AAMDC: variants seen among roughly 807,000 people sequenced by gnomAD.
AAMDC encodes mth938 domain-containing protein.
Under a neutral mutation model 15.5 loss-of-function variants are expected in AAMDC, and 16 were observed. The ratio of observed to expected loss-of-function variants is 1.03; its 90% confidence interval spans 0.70 to 1.57. AAMDC has a LOEUF of 1.57. Among genes scored for constraint, AAMDC ranks in the 40% most tolerant of loss-of-function variants. AAMDC has a pLI of 0.00. For synonymous variants in AAMDC, 51 were observed against 51.6 expected (o/e 0.99, Z 0.05); for missense variants, 141 against 144.9 (o/e 0.97, Z 0.14).
chr11:77,830,155 A>T, intron 1 of AAMDC: 1 of 152,282 alleles, frequency 6.6e-6, no homozygotes, highest in Non-Finnish European at 1.5e-5. Context: ...AAGAAAGTCA[A>T]AAGACAACCT....
chr11:77,821,848 T>A (rs1948919639), intron 1 of AAMDC, among the ~76,000 whole-genome samples: 1 of 152,130 alleles, frequency 6.6e-6, no homozygotes, highest in Admixed American at 6.5e-5. Flanking sequence ...GAGCTTTGGA[T>A]TCAGCCAGGC....
chr11:77,840,129 G>T (rs1457137086), intron 1 of AAMDC, among the ~76,000 whole-genome samples: 1 of 151,588 alleles, frequency 6.6e-6, no homozygotes, highest in African/African-American at 2.4e-5. Context: ...CAACACCCAG[G>T]GATTTGAATG....
intron 5 of AAMDC, among the ~76,000 whole-genome samples, chr11:77,888,684 G>T (rs1952125827): frequency 1.3e-5 from 2 of 151,968 alleles, no homozygotes; most frequent in African/African-American, 4.8e-5. Flanking sequence ...ATCTGACAAA[G>T]GGCTAATATC....
chr11:77,825,558 T>C (rs1185704759), intron 1 of AAMDC, among the ~76,000 whole-genome samples: 1 of 152,110 alleles, frequency 6.6e-6, no homozygotes, highest in African/African-American at 2.4e-5. Context: ...TGTATGAAAA[T>C]AAAAGGAAGC....
intron 2 of AAMDC, among the ~76,000 whole-genome samples, chr11:77,863,025 G>C (rs116905078): frequency 0.014 from 2,200 of 152,218 alleles, 17 homozygotes; most frequent in Middle Eastern, 0.024. Context: ...CTAATGTGGT[G>C]GTGGGCCGCT....
intron 5 of AAMDC, among the ~76,000 whole-genome samples, chr11:77,899,633 G>C (rs1952690533): frequency 6.6e-6 from 1 of 151,432 alleles, no homozygotes. Context: ...TCGGACCACT[G>C]CACTCCAGCC....
intron 1 of AAMDC, among the ~76,000 whole-genome samples, chr11:77,834,563 T>C (rs1190839670): frequency 2.7e-5 from 4 of 146,736 alleles, no homozygotes; most frequent in Non-Finnish European, 6.0e-5. Context: ...TACAAGTACA[T>C]ACCACCTCGT....
chr11:77,873,512 T>A (rs1016583152), downstream of AAMDC, among the ~76,000 whole-genome samples: 3 of 152,226 alleles, frequency 2.0e-5, no homozygotes, highest in Admixed American at 6.5e-5. Context: ...CTCTTTCATA[T>A]CCATTTACGG....
At chr11:77,878,844 C>A in intron 5 of AAMDC, 1 of 829,672 alleles carries the variant, frequency 1.2e-6, no homozygotes, top group Non-Finnish European at 2.1e-6. Context: ...GGGTCACATA[C>A]TCCTTAAGCC....
chr11:77,855,720 C>CTTTTTTT (rs374235923), intron 2 of AAMDC, among the ~76,000 whole-genome samples: 1 of 127,978 alleles, frequency 7.8e-6, no homozygotes. Flanking sequence ...AGTTTTATGT[C>CTTTTTTT]TTTTTTTTTT....
chr11:77,885,591 G>A (rs1327293622), intron 5 of AAMDC, among the ~76,000 whole-genome samples: 1 of 152,018 alleles, frequency 6.6e-6, no homozygotes, highest in Admixed American at 6.6e-5. Flanking sequence ...GGCTGAGCCA[G>A]GTGGATTACT....
intron 2 of AAMDC, among the ~76,000 whole-genome samples, chr11:77,864,881 G>A (rs1438165054): frequency 6.6e-6 from 1 of 152,168 alleles, no homozygotes; most frequent in African/African-American, 2.4e-5. Context: ...GGAGGCTGAG[G>A]TGGGAGGATC....
chr11:77,824,975 T>G lies in AAMDC; in HGVS notation c.-19+3734T>G, dbSNP rs544207306. ...ATCTTTGCATTTGTTACATAGTTTTTTTGTTGTTGTTGTTTTTCTTTTTGA... is the reference window on the plus strand; with the variant it reads ...ATCTTTGCATTTGTTACATAGTTTTGTTGTTGTTGTTGTTTTTCTTTTTGA... On this transcript the variant is annotated intron_variant, in intron 1 of 3. Transcript: ENST00000393427. 4.6e-5 allele frequency among the ~76,000 whole-genome samples: 7 copies of G among 152,242 alleles called. No individual in the cohort carries two copies. The South Asian group carries it at 1.5e-3, about 32-fold the overall frequency.
At chr11:77,891,821 G>A in intron 5 of AAMDC, 6 of 1,611,446 alleles carry the variant, frequency 3.7e-6, no homozygotes, top group Non-Finnish European at 5.1e-6. Context: ...TGCAAGTGGG[G>A]CAAATCAGCG....
intron 1 of AAMDC, among the ~76,000 whole-genome samples, chr11:77,831,355 A>G (rs573412941): frequency 7.2e-5 from 11 of 152,328 alleles, no homozygotes; most frequent in African/African-American, 2.6e-4. Context: ...TATACCCAAG[A>G]AAAATGAGCA....
At chr11:77,898,132 T>G (rs1952611579) in intron 5 of AAMDC, among the ~76,000 whole-genome samples, 1 of 152,122 alleles carries the variant, frequency 6.6e-6, no homozygotes, top group Non-Finnish European at 1.5e-5. Flanking sequence ...GTTATTATTA[T>G]TTTTTGCTCA....
intron 1 of AAMDC, among the ~76,000 whole-genome samples, chr11:77,826,190 C>G (rs1326456446): frequency 6.6e-6 from 1 of 151,880 alleles, no homozygotes; most frequent in Non-Finnish European, 1.5e-5. Flanking sequence ...GGTGAAACTT[C>G]GTCTCTACTA....
Position 77,879,325 on chromosome 11 carries a change from T to G in AAMDC, c.328+2276T>G, listed in dbSNP as rs181437511. ...CTGTTCCATCACCTTCCCCTTGGGCTCACTGTGGCACAGAGCCAAAGCTGC... is the reference window on the plus strand; with the variant it reads ...CTGTTCCATCACCTTCCCCTTGGGCGCACTGTGGCACAGAGCCAAAGCTGC... On this transcript the variant is annotated intron_variant, in intron 5 of 5. Coordinates refer to the AAMDC transcript ENST00000304716. Among the ~76,000 whole-genome samples the G allele has an allele frequency of 1.4e-3, 217 of 152,326 alleles. 1 individual carries two copies. Among genetic ancestry groups the G allele is most frequent in the African/African-American group, 3.6e-3 (148 of 41,580 alleles).
At chr11:77,849,613 C>A (rs142785080) in intron 2 of AAMDC, among the ~76,000 whole-genome samples, 341 of 152,272 alleles carry the variant, frequency 2.2e-3, no homozygotes, top group African/African-American at 7.4e-3. Context: ...TTTGCCTTGG[C>A]CTCCCAAAGT....
Sources: allele counts gnomAD v4.1 joint callset (sites outside exome capture counted in the v4.1 genomes callset), GRCh38; gene constraint gnomAD v4.1.1; transcripts MANE v1.5; gene names NCBI Gene and HGNC (gene_info 2026-07-23, HGNC 2026-07-21).